HORMAD2: variants seen among roughly 807,000 people sequenced by gnomAD.
HORMAD2 encodes HORMA domain-containing protein 2.
Under a neutral mutation model 38.8 loss-of-function variants are expected in HORMAD2, and 45 were observed. The ratio of observed to expected loss-of-function variants is 1.16; its 90% confidence interval spans 0.91 to 1.49. The LOEUF (loss-of-function observed/expected upper bound fraction) is 1.49. Among genes scored for constraint, HORMAD2 ranks in the 40% most tolerant of loss-of-function variants. The pLI is 0.00. For synonymous variants in HORMAD2, 126 were observed against 122.8 expected (o/e 1.03, Z -0.17); for missense variants, 338 against 367.0 (o/e 0.92, Z 0.65).
the HORMAD2 span, among the ~76,000 whole-genome samples, chr22:30,201,659 G>A: frequency 4.0e-5 from 6 of 151,822 alleles, no homozygotes; most frequent in South Asian, 2.1e-4. Flanking sequence ...CTCATGATCC[G>A]CCCGCCTCGG....
intron 3 of HORMAD2, among the ~76,000 whole-genome samples, chr22:30,100,559 T>C (rs1024257216): frequency 1.3e-5 from 2 of 152,012 alleles, no homozygotes; most frequent in Admixed American, 6.6e-5. Flanking sequence ...CAAAAGCAAT[T>C]GCAACAAAAG....
At chr22:30,112,137 A>G (rs1387865372) in intron 6 of HORMAD2, among the ~76,000 whole-genome samples, 1 of 152,012 alleles carries the variant, frequency 6.6e-6, no homozygotes, top group Non-Finnish European at 1.5e-5. Flanking sequence ...AATTTTGTAT[A>G]CCTCTGAGTT....
intron 10 of HORMAD2, chr22:30,137,316 GATGAGTGTCTTTCCCATAGTTATT>G (rs1418627218): frequency 1.9e-6 from 1 of 515,148 alleles, no homozygotes; most frequent in Non-Finnish European, 3.7e-6. Context: ...GAGTCCTGGC[GATGAGTGTCTTTCCCATAGTTATT>G]ATACTGAACA....
At chr22:30,138,316 C>A (rs1465738394) in intron 10 of HORMAD2, among the ~76,000 whole-genome samples, 1 of 151,224 alleles carries the variant, frequency 6.6e-6, no homozygotes, top group Non-Finnish European at 1.5e-5. Flanking sequence ...TAGGTGTGCA[C>A]CGCCATGCCT....
At chr22:30,143,783 A>G (rs1020349434) in intron 10 of HORMAD2, among the ~76,000 whole-genome samples, 1 of 152,076 alleles carries the variant, frequency 6.6e-6, no homozygotes, top group Non-Finnish European at 1.5e-5. Context: ...GTGGGGCCTG[A>G]TGGGAGGTGT....
chr22:30,078,915 T>C, upstream of HORMAD2, among the ~76,000 whole-genome samples: 1 of 151,262 alleles, frequency 6.6e-6, no homozygotes. Flanking sequence ...TTCCGGAAAG[T>C]ATAGGGTGAA....
At chr22:30,081,430 A>G (rs912990161) in intron 1 of HORMAD2, among the ~76,000 whole-genome samples, 5 of 152,242 alleles carry the variant, frequency 3.3e-5, no homozygotes, top group African/African-American at 1.2e-4. Context: ...TTTTCTCTGA[A>G]TGAGCACAGG....
At chr22:30,095,065 C>G (rs1320324040) in intron 2 of HORMAD2, among the ~76,000 whole-genome samples, 1 of 152,126 alleles carries the variant, frequency 6.6e-6, no homozygotes, top group Non-Finnish European at 1.5e-5. Flanking sequence ...GGACTCCACC[C>G]TGAAGCCAGT....
chr22:30,199,733 C>T, the HORMAD2 span, among the ~76,000 whole-genome samples: 2 of 149,780 alleles, frequency 1.3e-5, no homozygotes, highest in Non-Finnish European at 1.5e-5. Context: ...GAATTTTTTT[C>T]TTTCTTTTTT....
chr22:30,190,430 A>G, the HORMAD2 span, among the ~76,000 whole-genome samples: 3 of 152,224 alleles, frequency 2.0e-5, no homozygotes, highest in Non-Finnish European at 4.4e-5. Flanking sequence ...TTATAGCTTC[A>G]GCCACTATCC....
rs1400622991 is a variant in HORMAD2, at chr22:30,124,489, G to A, written c.819+2275G>A. On this transcript the variant is annotated intron_variant, in intron 10 of 10. Transcript: ENST00000336726. ...ACCACGTGTCCCTTCCTCATTGCAC[G>A]CCCTCTGAAGGTAACCACTCTCCTG... is the stretch of plus-strand genomic sequence containing the variant. Among the ~76,000 whole-genome samples, 3 of 152,140 alleles carry A rather than the reference G, an allele frequency of 2.0e-5. No homozygotes were observed. The South Asian group carries it at 6.2e-4, about 32-fold the overall frequency.
intron 10 of HORMAD2, among the ~76,000 whole-genome samples, chr22:30,172,905 C>G (rs942038349): frequency 6.6e-6 from 1 of 151,326 alleles, no homozygotes; most frequent in Non-Finnish European, 1.5e-5. Context: ...AAAAAAATGG[C>G]CCAAACCTCA....
the HORMAD2 span, among the ~76,000 whole-genome samples, chr22:30,201,925 G>A: frequency 7.3e-4 from 111 of 152,188 alleles, 1 homozygote; most frequent in Non-Finnish European, 1.4e-3. Context: ...CGGGAACTAT[G>A]TTCAGCTTGG....
At chr22:30,186,402 G>A in the HORMAD2 span, among the ~76,000 whole-genome samples, 2 of 146,694 alleles carry the variant, frequency 1.4e-5, no homozygotes, top group African/African-American at 5.2e-5. Flanking sequence ...CCAGCTTTTG[G>A]GCTACACCTC....
At chr22:30,165,346 C>A (rs1369512137) in intron 10 of HORMAD2, among the ~76,000 whole-genome samples, 1 of 152,126 alleles carries the variant, frequency 6.6e-6, no homozygotes, top group Non-Finnish European at 1.5e-5. Flanking sequence ...TGTGAGACCT[C>A]CAACTTTGTT....
intron 1 of HORMAD2, among the ~76,000 whole-genome samples, chr22:30,091,168 T>A (rs1013978216): frequency 4.6e-5 from 7 of 152,204 alleles, no homozygotes; most frequent in Non-Finnish European, 8.8e-5. Flanking sequence ...CATGCTTTTT[T>A]AAATGGCTGA....
chr22:30,084,067 G>C (rs1484443881), intron 1 of HORMAD2, among the ~76,000 whole-genome samples: 3 of 152,138 alleles, frequency 2.0e-5, no homozygotes, highest in African/African-American at 7.2e-5. Flanking sequence ...CTAATCCCGG[G>C]TAAGTCTAGA....
chr22:30,195,954 T>C, the HORMAD2 span, among the ~76,000 whole-genome samples: 1 of 152,340 alleles, frequency 6.6e-6, no homozygotes, highest in Non-Finnish European at 1.5e-5. Flanking sequence ...AAAACATGTG[T>C]TTCACATTTG....
the HORMAD2 span, among the ~76,000 whole-genome samples, chr22:30,193,261 T>C: frequency 9.9e-5 from 15 of 152,210 alleles, no homozygotes; most frequent in African/African-American, 3.6e-4. Flanking sequence ...CTATATTTAG[T>C]AAACATATCA....
Sources: allele counts gnomAD v4.1 joint callset (sites outside exome capture counted in the v4.1 genomes callset), GRCh38; gene constraint gnomAD v4.1.1; transcripts MANE v1.5; gene names NCBI Gene and HGNC (gene_info 2026-07-23, HGNC 2026-07-21).